The following OTOG variants were observed in gnomAD, a reference collection of about 807,000 sequenced individuals.
OTOG encodes the protein otogelin.
OTOG carries 296 observed loss-of-function variants against 313.8 expected under a neutral mutation model. The ratio of observed to expected loss-of-function variants is 0.94; its 90% CI spans 0.86 to 1.04. The LOEUF (loss-of-function observed/expected upper bound fraction) is 1.04, where lower values mean the gene tolerates loss of function less well. Ranked by LOEUF, OTOG falls within the 50% of genes least tolerant of loss-of-function variation. The pLI is 0.00. For missense variants in OTOG, 3,948 were observed against 3,840.1 expected (o/e 1.03, Z -0.74); for synonymous variants, 1,533 against 1,554.9 (o/e 0.99, Z 0.33).
chr11:17,634,390 G>A, intron 44 of OTOG, 109 bp downstream of exon 44: 1 of 1,202,126 alleles, frequency 8.3e-7, no homozygotes, highest in Non-Finnish European at 1.2e-6. Flanking sequence ...AAAGCAAAGT[G>A]TCTTGTAGGG....
intron 54 of OTOG, among the ~76,000 whole-genome samples, chr11:17,644,095 C>T (rs957197780): frequency 1.1e-4 from 16 of 152,254 alleles, no homozygotes; most frequent in Non-Finnish European, 1.8e-4. Flanking sequence ...GCCCCTGCTC[C>T]CCACGTCTGG....
chr11:17,607,989 G>C (rs983430636), intron 33 of OTOG, among the ~76,000 whole-genome samples: 8 of 152,052 alleles, frequency 5.3e-5, no homozygotes, highest in Admixed American at 1.3e-4. Flanking sequence ...CCTCTTCTTC[G>C]GTCACCCTTC....
chr11:17,575,579 C>T (rs551905778), intron 20 of OTOG, among the ~76,000 whole-genome samples: 11 of 152,310 alleles, frequency 7.2e-5, no homozygotes, highest in African/African-American at 2.6e-4. Context: ...AGCGACCCCA[C>T]GTGATCTTGG....
intron 40 of OTOG, among the ~76,000 whole-genome samples, chr11:17,630,212 A>G (rs983371651): frequency 3.9e-5 from 6 of 152,178 alleles, no homozygotes; most frequent in African/African-American, 1.4e-4. Context: ...TGGTGCTTCC[A>G]TTCTTAAACA....
chr11:17,553,807 A>G (rs567406720), intron 6 of OTOG, among the ~76,000 whole-genome samples: 1 of 152,362 alleles, frequency 6.6e-6, no homozygotes, highest in South Asian at 2.1e-4. Context: ...GAGGCCCTGT[A>G]GACAACAACA....
At position 17,609,701 on chromosome 11, in the gene OTOG, G is replaced by A; in HGVS notation, c.4401G>A (p.Glu1467=). ...VWVPTEALGN[E]TLPPSQGLPT... is the part of the protein sequence containing the mutation. The stretch of plus-strand genomic sequence containing the variant: ...TTCCCACAGAGGCCCTTGGCAATGA[G>A]ACCCTCCCTCCCAGTCAAGGGTTGC... Residue 1467 remains glutamate, a synonymous_variant, in exon 36 of 56, where the codon GAG becomes GAA. Transcript: ENST00000399397. 6.6e-7 allele frequency: 1 copy of A among 1,523,904 alleles called. No homozygotes were observed. The highest frequency in any genetic ancestry group is 8.8e-7 in the Non-Finnish European group (1 of 1,133,304). The allele number at this position is 1,523,904 out of a possible 1,614,324, so 94.4% of individuals were successfully genotyped here.
At chr11:17,639,501 C>T in intron 49 of OTOG, 38 bp downstream of exon 49, 2 of 1,542,762 alleles carry the variant, frequency 1.3e-6, no homozygotes, top group Non-Finnish European at 1.8e-6. Flanking sequence ...CCCTGGTCTG[C>T]TCCCCTTTCC....
At position 17,641,093 on chromosome 11, in the gene OTOG, T is replaced by A. The variant is rs1482995356; in HGVS notation, c.8190+2T>A. The A allele has an allele frequency of 2.4e-6, 2 of 831,832 alleles. No individual in the cohort carries two copies. Among genetic ancestry groups the A allele is most frequent in the Non-Finnish European group, 3.2e-6 (2 of 624,022 alleles). 51.5% of individuals were successfully genotyped at this position (831,832 alleles called of 1,614,324 possible). On this transcript the variant is annotated splice_donor_variant, in intron 51 of 55. Transcript: ENST00000399397. LOFTEE classifies it high-confidence loss of function. ...CTCTGTGACATCCACTGTGAGGCGG[T>A]AGGGTGCAGCCCAGGGCGGGGTGGG...
chr11:17,574,305 AG>A (rs1198981972), intron 19 of OTOG, among the ~76,000 whole-genome samples: 1 of 136,662 alleles, frequency 7.3e-6, no homozygotes, highest in Non-Finnish European at 1.6e-5. Flanking sequence ...CAGGGGAGTG[AG>A]GGGGTAGGAG....
In OTOG at chr11:17,634,088, G is replaced by T. The variant is rs999079919; in HGVS notation, c.7287G>T (p.Gly2429=). The part of the protein sequence containing the change: ...EAKCACTDSM[G]VPRALGETWN... ...CTGCAGCCTGCACTGACAGCATGGG[G>T]GTGCCGAGGGCCCTGGGGGAGACCT... Residue 2429 remains glycine, a synonymous_variant, in exon 44 of 56, where the codon GGG becomes GGT. Transcript: ENST00000399397. 1.9e-6 allele frequency: 3 copies of T among 1,546,598 alleles called. No individual in the cohort carries two copies. Among genetic ancestry groups the T allele is most frequent in the Non-Finnish European group, 2.6e-6 (3 of 1,146,892 alleles).
intron 31 of OTOG, among the ~76,000 whole-genome samples, chr11:17,601,349 T>G (rs1301163935): frequency 1.3e-5 from 2 of 151,738 alleles, no homozygotes; most frequent in Non-Finnish European, 2.9e-5. Flanking sequence ...TGAGTAGGCG[T>G]TTGTCAGGCA....
At chr11:17,563,674 C>T (rs1852237240) in intron 15 of OTOG, among the ~76,000 whole-genome samples, 1 of 148,490 alleles carries the variant, frequency 6.7e-6, no homozygotes, top group South Asian at 2.1e-4. Context: ...GGGTCCCTTA[C>T]TCAGAATCCC....
Position 17,609,912 on chromosome 11 carries a change from G to A in OTOG, c.4612G>A (p.Ala1538Thr), listed in dbSNP as rs756067622. The change falls in exon 36 of 56, where the codon GCA (alanine) becomes ACA (threonine). Residue 1538 changes from alanine to threonine, a missense_variant. Ala to Thr is a moderately conservative substitution (Grantham distance 58, BLOSUM62 0). Coordinates refer to ENST00000399397, the MANE Select transcript of OTOG (RefSeq NM_001292063.2). ...TTLQQPLELT[A>T]SQLPAGPTES... ...CCTGCAGCAGCCACTGGAGCTCACT[G>A]CATCTCAACTCCCCGCCGGCCCCAC... 281 of 1,523,956 alleles carry A rather than the reference G, an allele frequency of 1.8e-4. No homozygotes were observed. Among genetic ancestry groups the A allele is most frequent in the South Asian group, 7.4e-4 (58 of 78,856 alleles). The allele number at this position is 1,523,956 out of a possible 1,614,324, so 94.4% of individuals were successfully genotyped here. A position where few individuals can be genotyped will look rare whatever the true frequency, so the allele number is the denominator to read the frequency against.
chr11:17,613,267 C>CTTTG (rs1209997346), intron 38 of OTOG, among the ~76,000 whole-genome samples: 1 of 139,312 alleles, frequency 7.2e-6, no homozygotes, highest in Admixed American at 7.5e-5. Flanking sequence ...TTCTTTCTTT[C>CTTTG]TCTCTCTGTC....
chr11:17,593,752 G>A lies in OTOG; in HGVS notation c.3284G>A (p.Trp1095Ter), dbSNP rs1218807903. Residue 1095 changes from tryptophan to a stop codon, truncating the protein, a stop_gained, in exon 27 of 56, where the codon TGG becomes TAG. Coordinates refer to ENST00000399397, the MANE Select transcript of OTOG (RefSeq NM_001292063.2). LOFTEE classifies it high-confidence loss of function. The part of the protein sequence containing the change: ...TTVHVQAGPQ[W>*]QGQLAGLCGN... ...GTGCACGTCCAGGCTGGGCCTCAGT[G>A]GCAGGTACTTACATGAGCAGTGACA... 1 of 1,548,336 alleles carries A rather than the reference G, an allele frequency of 6.5e-7. No homozygotes were observed. The highest frequency in any genetic ancestry group is 2.0e-5 in the Admixed American group (1 of 51,006).
At chr11:17,577,668 G>A (rs78684719) in intron 22 of OTOG, among the ~76,000 whole-genome samples, 7,760 of 151,972 alleles carry the variant, frequency 0.051, 259 homozygotes, top group African/African-American at 0.088. Context: ...TCCTGGAAGC[G>A]CTTTTCCTTT....
Position 17,609,911 on chromosome 11 carries a change from T to A in OTOG, c.4611T>A (p.Thr1537=), listed in dbSNP as rs1853483036. 2 of 1,523,552 alleles carry A rather than the reference T, an allele frequency of 1.3e-6. No homozygotes were observed. The highest frequency in any genetic ancestry group is 1.4e-5 in the African/African-American group (1 of 72,552). The allele number at this position is 1,523,552 out of a possible 1,614,324, so 94.4% of individuals were successfully genotyped here. A position where few individuals can be genotyped will look rare whatever the true frequency, so the allele number is the denominator to read the frequency against. Residue 1537 remains threonine (T), a synonymous_variant, in exon 36 of 56, where the codon ACT becomes ACA. Transcript: ENST00000399397. ...CCCTGCAGCAGCCACTGGAGCTCAC[T>A]GCATCTCAACTCCCCGCCGGCCCCA... The part of the protein sequence containing the change: ...QTTLQQPLEL[T]ASQLPAGPTE...
chr11:17,642,196 G>T lies in OTOG; in HGVS notation c.8365G>T (p.Val2789Phe), dbSNP rs559431432. ...CAGCACGCCCCTGGGTGCCGTGCTG[G>T]TCCGCTCTCCCATAAGCTGCCCACC... ...CSSTPLGAVL[V>F]RSPISCPPLN... The change falls in exon 53 of 56, where the codon GTC becomes TTC. Residue 2789 changes from valine (V) to phenylalanine (F), a missense_variant. Val to Phe is a conservative substitution (Grantham distance 50). Coordinates refer to ENST00000399397, the MANE Select transcript of OTOG (RefSeq NM_001292063.2). 2.9e-5 allele frequency: 45 copies of T among 1,550,324 alleles called. No homozygotes were observed. Among genetic ancestry groups the T allele is most frequent in the Admixed American group, 2.7e-4 (14 of 50,988 alleles).
At chr11:17,593,963 A>C in intron 27 of OTOG, 84 bp from the exon 28 acceptor site, 1 of 1,515,928 alleles carries the variant, frequency 6.6e-7, no homozygotes, top group Non-Finnish European at 8.9e-7. Context: ...TCTATGATAG[A>C]CTCCTGGGCT....
Sources: allele counts gnomAD v4.1 joint callset (sites outside exome capture counted in the v4.1 genomes callset), GRCh38; gene constraint gnomAD v4.1.1; transcripts MANE v1.5; gene names NCBI Gene and HGNC (gene_info 2026-07-23, HGNC 2026-07-21).